SLC20A2: variants seen among roughly 807,000 people sequenced by gnomAD.
The protein encoded by SLC20A2 is sodium-dependent phosphate transporter 2.
Under a neutral mutation model 61.0 loss-of-function variants are expected in SLC20A2, and 30 were observed. That is an observed-to-expected ratio of 0.49 (90% CI 0.37 to 0.67). The LOEUF is 0.67. SLC20A2 is among the 30% of genes least tolerant of loss of function. The pLI is 0.00. For synonymous variants in SLC20A2, 351 were observed against 353.3 expected, an observed-to-expected ratio of 0.99 and a Z score of 0.07; for missense variants, 626 against 866.4, an observed-to-expected ratio of 0.72 and a Z score of 3.48.
intron 1 of SLC20A2, among the ~76,000 whole-genome samples, chr8:42,494,030 C>T (rs1788749295): frequency 6.6e-6 from 1 of 152,122 alleles, no homozygotes; most frequent in Admixed American, 6.6e-5. Context: ...GTAGTCCCAG[C>T]TACTTGGCAG....
chr8:42,476,885 G>A (rs1344759230), intron 1 of SLC20A2, among the ~76,000 whole-genome samples: 1 of 152,160 alleles, frequency 6.6e-6, no homozygotes. Flanking sequence ...GTCCATTCCC[G>A]TCCGGCCAGC....
At chr8:42,452,063 G>C (rs546176290) in intron 5 of SLC20A2, among the ~76,000 whole-genome samples, 67 of 125,974 alleles carry the variant, frequency 5.3e-4, no homozygotes, top group Non-Finnish European at 8.6e-4. Flanking sequence ...GAGATGAAGA[G>C]GAGGGGGAGG....
intron 2 of SLC20A2, among the ~76,000 whole-genome samples, chr8:42,468,472 T>C (rs1348391948): frequency 1.3e-5 from 2 of 152,042 alleles, no homozygotes; most frequent in East Asian, 3.9e-4. Context: ...AGGAAATACC[T>C]GCAAGAGGGC....
In SLC20A2 at chr8:42,472,248, C is replaced by G; in HGVS notation, c.143G>C (p.Cys48Ser). 2 of 1,614,158 alleles carry G rather than the reference C, an allele frequency of 1.2e-6. No homozygotes were observed. Among genetic ancestry groups the G allele is most frequent in the East Asian group, 4.5e-5 (2 of 44,880 alleles). The change falls in exon 2 of 11, where the codon TGC (cysteine) becomes TCC (serine). Residue 48 changes from cysteine to serine, a missense_variant. Transcript: ENST00000520262. The surrounding 1 kb of genome is among the most constrained non-coding windows in gnomAD (Gnocchi z 4.1). ...GSGVVTLRQA[C>S]ILASIFETTG... is the part of the protein sequence containing the mutation. ...GGTTTCAAATATTGAAGCTAAAATG[C>G]ATGCCTGCCTCAAGGTCACCACACC...
At chr8:42,524,926 A>T (rs1460008479) in intron 1 of SLC20A2, among the ~76,000 whole-genome samples, 1 of 152,188 alleles carries the variant, frequency 6.6e-6, no homozygotes, top group Non-Finnish European at 1.5e-5. Flanking sequence ...TCACCTAATA[A>T]AAAGTTTCCT....
intron 9 of SLC20A2, 122 bp downstream of exon 9, chr8:42,429,942 C>T: frequency 1.3e-6 from 1 of 771,510 alleles, no homozygotes; most frequent in Non-Finnish European, 2.0e-6. Flanking sequence ...CCACTGTCTC[C>T]TCCTCCCTGT....
rs988732550 is a variant in SLC20A2 at position 42,533,657 on chromosome 8, T to TTTTTC, written c.-265+8163_-265+8164insGAAAA. On this transcript the variant is annotated intron_variant, in intron 1 of 10. Coordinates refer to the SLC20A2 transcript ENST00000342228. ...ATGGCCTTAATGATCAACTGTTCTT[T>TTTTTC]TTTTTTTTTTTTTTTTTTTGAGACG... Among the ~76,000 whole-genome samples, 22 of 118,132 alleles carry TTTTTC rather than the reference T, an allele frequency of 1.9e-4. 1 individual carries two copies. Among genetic ancestry groups the TTTTTC allele is most frequent in the Admixed American group, 2.5e-4 (3 of 11,950 alleles). The allele number at this position is 118,132 out of a possible 152,430, so 77.5% of individuals were successfully genotyped here.
intron 1 of SLC20A2, among the ~76,000 whole-genome samples, chr8:42,500,167 A>G (rs1810230850): frequency 6.6e-6 from 1 of 152,246 alleles, no homozygotes; most frequent in Non-Finnish European, 1.5e-5. Context: ...ATTAATAACA[A>G]TATTCCTAAA....
rs1014304284 is a variant in SLC20A2 at position 42,417,931 on chromosome 8, G to A, written c.1831C>T (p.Arg611Cys). 12 of 1,613,618 alleles carry A rather than the reference G, an allele frequency of 7.4e-6. No individual in the cohort carries two copies. The highest frequency in any genetic ancestry group is 1.6e-4 in the Middle Eastern group (1 of 6,062). The change falls in exon 11 of 11, where the codon CGC becomes TGC. Residue 611 changes from arginine (R) to cysteine (C), a missense_variant. Transcript: ENST00000520262. Reference protein sequence around the residue: ...SVVAVGWIRSRKAVDWRLFRN... With the variant: ...SVVAVGWIRSCKAVDWRLFRN... Reference sequence around the variant, plus strand: ...AAGAGGCGCCAGTCCACAGCCTTGCGGGAGCGGATCCAGCCCACGGCCACC... The same window carrying A: ...AAGAGGCGCCAGTCCACAGCCTTGCAGGAGCGGATCCAGCCCACGGCCACC...
intron 1 of SLC20A2, among the ~76,000 whole-genome samples, chr8:42,533,587 C>G (rs13279187): frequency 6.7e-6 from 1 of 149,848 alleles, no homozygotes; most frequent in African/African-American, 2.5e-5. Flanking sequence ...GAGATTGCGT[C>G]GTCATCACAC....
chr8:42,453,373 T>C (rs1282186884), intron 5 of SLC20A2, among the ~76,000 whole-genome samples: 1 of 152,210 alleles, frequency 6.6e-6, no homozygotes, highest in African/African-American at 2.4e-5. Flanking sequence ...AACTTAGTCT[T>C]TGAAGTGTAA....
Position 42,465,931 on chromosome 8 carries a change from G to C in SLC20A2, c.290-14C>G, listed in dbSNP as rs767564637. On this transcript the variant is annotated splice_polypyrimidine_tract_variant and intron_variant, in intron 2 of 10. Transcript: ENST00000520262. ...ACACAGCGGAACCTACAGATTGAAG[G>C]ACAAAAAACCATCAGATACAGAGTA... The C allele has an allele frequency of 6.2e-7, 1 of 1,602,032 alleles. No individual in the cohort carries two copies. Among genetic ancestry groups the C allele is most frequent in the Non-Finnish European group, 8.5e-7 (1 of 1,176,780 alleles).
At chr8:42,447,555 G>T (rs1472187538) in intron 5 of SLC20A2, among the ~76,000 whole-genome samples, 2 of 151,906 alleles carry the variant, frequency 1.3e-5, no homozygotes, top group Non-Finnish European at 2.9e-5. Flanking sequence ...GTGGGCACCT[G>T]TAGTCCCAGC....
Position 42,449,162 on chromosome 8 carries a change from G to C in SLC20A2, c.614-4400C>G, listed in dbSNP as rs530720250. Among the ~76,000 whole-genome samples, 20 of 152,260 alleles carry C rather than the reference G, an allele frequency of 1.3e-4. No individual in the cohort carries two copies. In the South Asian group the frequency reaches 3.9e-3, roughly 30 times the overall value. On this transcript the variant is annotated intron_variant, in intron 5 of 10. Transcript: ENST00000520262. ...TTTCCAAACAATTATGGCTACGTCA[G>C]GCAGTAAGACATGGCCGTCATTTCC...
chr8:42,509,728 C>A (rs184583447), intron 1 of SLC20A2, among the ~76,000 whole-genome samples: 58 of 151,928 alleles, frequency 3.8e-4, no homozygotes, highest in African/African-American at 1.1e-3. Context: ...CATTCCAGCC[C>A]GGGCAACAGA....
intron 1 of SLC20A2, among the ~76,000 whole-genome samples, chr8:42,498,913 A>C (rs1810135339): frequency 1.3e-5 from 2 of 152,224 alleles, no homozygotes; most frequent in South Asian, 4.1e-4. Flanking sequence ...CCCAGAGAAA[A>C]GGTTCCTCTC....
At chr8:42,488,538 T>A (rs1809235572) in intron 1 of SLC20A2, among the ~76,000 whole-genome samples, 1 of 152,110 alleles carries the variant, frequency 6.6e-6, no homozygotes, top group Non-Finnish European at 1.5e-5. Context: ...AGACCACACT[T>A]TCAGTCCTTT....
upstream of SLC20A2, among the ~76,000 whole-genome samples, chr8:42,504,188 AC>A (rs1404965230): frequency 4.6e-5 from 7 of 152,152 alleles, no homozygotes; most frequent in Admixed American, 4.6e-4. Context: ...TGATTCTTCC[AC>A]CTCAGCCTCC....
chr8:42,427,241 T>C (rs1165524865), intron 10 of SLC20A2, among the ~76,000 whole-genome samples: 1 of 152,244 alleles, frequency 6.6e-6, no homozygotes. Flanking sequence ...TCCTCATCTA[T>C]GAAGCTGGGG....
Sources: allele counts gnomAD v4.1 joint callset (sites outside exome capture counted in the v4.1 genomes callset), GRCh38; gene constraint gnomAD v4.1.1; non-coding constraint Gnocchi (gnomAD v3.1); transcripts MANE v1.5; gene names NCBI Gene and HGNC (gene_info 2026-07-23, HGNC 2026-07-21).